Variants in SEMA5A observed in about 807,000 individuals in gnomAD.
SEMA5A encodes the protein semaphorin 5A.
In SEMA5A, 55 loss-of-function variants were observed where a neutral mutation model predicts 135.5. The ratio of observed to expected loss-of-function variants is 0.41; its 90% confidence interval spans 0.33 to 0.51. The LOEUF (loss-of-function observed/expected upper bound fraction) is 0.51. Among genes scored for constraint, SEMA5A ranks in the 20% least tolerant of loss-of-function variants. The pLI is 0.37. For missense variants in SEMA5A, 1,290 were observed against 1,419.9 expected (o/e 0.91, Z 1.47); for synonymous variants, 580 against 546.5 (o/e 1.06, Z -0.85).
intron 5 of SEMA5A, among the ~76,000 whole-genome samples, chr5:9,317,027 T>C (rs1752425063): frequency 6.6e-6 from 1 of 152,202 alleles, no homozygotes; most frequent in African/African-American, 2.4e-5. Context: ...TTTTTAGATT[T>C]CACACATAAG....
intron 16 of SEMA5A, among the ~76,000 whole-genome samples, chr5:9,077,676 T>C (rs1164129171): frequency 2.0e-5 from 3 of 152,196 alleles, no homozygotes; most frequent in African/African-American, 7.2e-5. Flanking sequence ...GGGCAAAGCC[T>C]GGGATGGATG....
intron 9 of SEMA5A, among the ~76,000 whole-genome samples, chr5:9,200,477 C>T (rs1745645321): frequency 6.6e-6 from 1 of 152,168 alleles, no homozygotes; most frequent in Admixed American, 6.5e-5. Context: ...TTGGGTGTGA[C>T]TACACTAGTT....
chr5:9,277,061 C>T (rs1750299752), intron 5 of SEMA5A, among the ~76,000 whole-genome samples: 1 of 152,054 alleles, frequency 6.6e-6, no homozygotes, highest in African/African-American at 2.4e-5. Flanking sequence ...GCAATCTATC[C>T]ATCTGACAAA....
At chr5:9,525,257 C>T (rs921671618) in intron 1 of SEMA5A, among the ~76,000 whole-genome samples, 3 of 152,168 alleles carry the variant, frequency 2.0e-5, no homozygotes, top group African/African-American at 7.2e-5. Flanking sequence ...CCATATAACC[C>T]TAGAAGCCCA....
intron 3 of SEMA5A, among the ~76,000 whole-genome samples, chr5:9,339,822 C>A (rs1179671747): frequency 6.6e-6 from 1 of 152,004 alleles, no homozygotes; most frequent in Non-Finnish European, 1.5e-5. Flanking sequence ...TATCAATGAG[C>A]CCTTGATAGA....
intron 12 of SEMA5A, among the ~76,000 whole-genome samples, chr5:9,139,696 T>A (rs1320023646): frequency 2.0e-5 from 3 of 152,166 alleles, no homozygotes; most frequent in Admixed American, 2.0e-4. Flanking sequence ...CTGTTTGACA[T>A]TTTTTTCTTG....
At chr5:9,160,607 C>A (rs773805965) in intron 11 of SEMA5A, among the ~76,000 whole-genome samples, 13 of 152,146 alleles carry the variant, frequency 8.5e-5, no homozygotes, top group Non-Finnish European at 1.6e-4. Flanking sequence ...CCCTCCTCGG[C>A]ACAGATCACT....
intron 5 of SEMA5A, among the ~76,000 whole-genome samples, chr5:9,277,758 T>G (rs1258736270): frequency 6.6e-6 from 1 of 151,892 alleles, no homozygotes; most frequent in Non-Finnish European, 1.5e-5. Flanking sequence ...AAGTGGGAGT[T>G]GAACAATGAG....
intron 5 of SEMA5A, among the ~76,000 whole-genome samples, chr5:9,258,803 C>CTTTTTTTTTTTTTTTTTTTTTTTT (rs748703578): frequency 2.0e-5 from 1 of 48,984 alleles, no homozygotes; most frequent in Non-Finnish European, 3.5e-5. Flanking sequence ...TTCTTTCTTT[C>CTTTTTTTTTTTTTTTTTTTTTTTT]TTTTTTTTTT....
At chr5:9,145,859 A>G (rs1286486177) in intron 12 of SEMA5A, among the ~76,000 whole-genome samples, 13 of 148,446 alleles carry the variant, frequency 8.8e-5, no homozygotes, top group Non-Finnish European at 1.6e-4. Context: ...TGACCAGACT[A>G]GTCTTGAACT....
chr5:9,207,760 A>T (rs1052789585), intron 8 of SEMA5A, among the ~76,000 whole-genome samples: 4 of 152,206 alleles, frequency 2.6e-5, no homozygotes, highest in Non-Finnish European at 2.9e-5. Context: ...TTAAAAGCGG[A>T]TAACTTAAAA....
intron 6 of SEMA5A, among the ~76,000 whole-genome samples, chr5:9,231,508 C>G (rs1427840600): frequency 1.3e-5 from 2 of 148,190 alleles, no homozygotes; most frequent in African/African-American, 5.0e-5. Context: ...AATGAGTAAC[C>G]GTTCCAGGCT....
chr5:9,308,600 T>G (rs554736763), intron 5 of SEMA5A, among the ~76,000 whole-genome samples: 3 of 152,270 alleles, frequency 2.0e-5, no homozygotes, highest in South Asian at 4.1e-4. Context: ...AACCCATATT[T>G]GAATTTCAAT....
chr5:9,184,364 G>A (rs1239729088), intron 11 of SEMA5A, among the ~76,000 whole-genome samples: 2 of 151,798 alleles, frequency 1.3e-5, no homozygotes, highest in African/African-American at 4.8e-5. Context: ...CACAAATACA[G>A]TATGCTTTGA....
intron 2 of SEMA5A, among the ~76,000 whole-genome samples, chr5:9,410,304 A>G (rs980845735): frequency 3.3e-5 from 5 of 152,204 alleles, no homozygotes; most frequent in Non-Finnish European, 5.9e-5. Context: ...ATGTATGACT[A>G]ATAAATTGTC....
At chr5:9,353,334 A>AAAGGG (rs1754283974) in intron 3 of SEMA5A, among the ~76,000 whole-genome samples, 2 of 123,760 alleles carry the variant, frequency 1.6e-5, no homozygotes, top group East Asian at 4.7e-4. Flanking sequence ...AAAGGAAAGG[A>AAAGGG]AATGAAAGGA....
At chr5:9,062,622 T>C (rs965213275) in intron 18 of SEMA5A, among the ~76,000 whole-genome samples, 2 of 152,126 alleles carry the variant, frequency 1.3e-5, no homozygotes, top group East Asian at 3.9e-4. Flanking sequence ...TGCACTAACA[T>C]ACTTGGCTAA....
chr5:9,337,943 T>G, intron 3 of SEMA5A, 131 bp from the exon 4 acceptor site: 1 of 607,304 alleles, frequency 1.6e-6, no homozygotes, highest in Non-Finnish European at 2.8e-6. Context: ...ATGCCATCTT[T>G]CAGAGGCCAC....
chr5:9,135,183 T>C (rs956892853), intron 13 of SEMA5A, among the ~76,000 whole-genome samples: 4 of 148,546 alleles, frequency 2.7e-5, no homozygotes, highest in Non-Finnish European at 6.0e-5. Flanking sequence ...GACTTTCTTT[T>C]TTTTTTTTTT....
Sources: gnomAD v4.1 joint callset for allele counts (sites outside exome capture counted in the v4.1 genomes callset) on GRCh38, gnomAD v4.1.1 for gene constraint, MANE v1.5 for transcripts, NCBI Gene and HGNC (gene_info 2026-07-23, HGNC 2026-07-21) for gene names.